The following NOSIP variants were observed in gnomAD, a reference collection of about 807,000 sequenced individuals.
NOSIP encodes nitric oxide synthase-interacting protein.
In NOSIP, 25 loss-of-function variants were observed where a neutral mutation model predicts 36.4. The observed-to-expected ratio is 0.69, with a 90% CI of 0.50 to 0.96. NOSIP has a LOEUF of 0.96. NOSIP is among the 40% of genes least tolerant of loss of function. NOSIP has a pLI of 0.00. For synonymous variants in NOSIP, 187 were observed against 179.2 expected (o/e 1.04, Z -0.35); for missense variants, 370 against 429.0 (o/e 0.86, Z 1.21).
At chr19:49,577,548 A>G (rs1341878477) in intron 1 of NOSIP, among the ~76,000 whole-genome samples, 2 of 151,264 alleles carry the variant, frequency 1.3e-5, no homozygotes, top group East Asian at 3.9e-4. Context: ...TCAAAAAAAG[A>G]AAAAAAAAGA....
Position 49,568,798 on chromosome 19 carries a change from G to GT in NOSIP, c.-1-8107dup, listed in dbSNP as rs750047416. ...CATCTCTAAAAAAAAAAAAAAAATA[G>GT]TTTGTTTGTTTGTTTTTTTTTTTGA... On this transcript the variant is annotated intron_variant, in intron 1 of 8. Coordinates refer to ENST00000596358, the MANE Select transcript of NOSIP (RefSeq NM_001270960.2). Among the ~76,000 whole-genome samples, 229 of 106,858 alleles carry GT rather than the reference G, an allele frequency of 2.1e-3. 12 individuals are homozygous for GT. The highest frequency in any genetic ancestry group is 6.3e-3 in the African/African-American group (89 of 14,196). 70.1% of individuals were successfully genotyped at this position (106,858 alleles called of 152,430 possible).
At chr19:49,557,521 TA>T (rs1194347852) in intron 4 of NOSIP, 3 of 1,284,404 alleles carry the variant, frequency 2.3e-6, no homozygotes, top group African/African-American at 1.5e-5. Flanking sequence ...TAAAACAGCC[TA>T]ACAGTGGTTA....
In NOSIP at chr19:49,570,765, G is replaced by A. The variant is rs1165758167; in HGVS notation, c.-2+9750C>T. 3.9e-5 allele frequency among the ~76,000 whole-genome samples: 6 copies of A among 151,934 alleles called. No homozygotes were observed. The East Asian group carries it at 5.8e-4, about 15-fold the overall frequency. Reference sequence around the variant, plus strand: ...CACAACTGCCACTCATGAAGGTCACGGTGACCTTTTCATGGACACATTCCC... The same window carrying A: ...CACAACTGCCACTCATGAAGGTCACAGTGACCTTTTCATGGACACATTCCC... On this transcript the variant is annotated intron_variant, in intron 1 of 8. Coordinates refer to ENST00000596358, the MANE Select transcript of NOSIP (RefSeq NM_001270960.2).
intron 1 of NOSIP, among the ~76,000 whole-genome samples, chr19:49,564,251 A>T (rs10412446): frequency 1.3e-5 from 2 of 151,678 alleles, no homozygotes; most frequent in South Asian, 4.2e-4. Context: ...TCAGGAGTTC[A>T]AGTCCAGCCT....
At chr19:49,557,516 C>T (rs1796865918) in intron 4 of NOSIP, 4 of 1,292,780 alleles carry the variant, frequency 3.1e-6, no homozygotes, top group South Asian at 4.2e-5. Flanking sequence ...ATCTGTAAAA[C>T]AGCCTAACAG....
Position 49,558,988 on chromosome 19 carries a change from CAG to C in NOSIP, c.177-12_177-11del. The C allele has an allele frequency of 6.2e-7, 1 of 1,611,372 alleles. No homozygotes were observed. The highest frequency in any genetic ancestry group is 8.5e-7 in the Non-Finnish European group (1 of 1,178,136). On this transcript the variant is annotated splice_polypyrimidine_tract_variant and intron_variant, in intron 3 of 8. Transcript: ENST00000596358. Reference sequence around the variant, plus strand: ...CAGGTAGCCATCTGGGCTGCAAAGACAGGGTGCAATGAGAAAGAAAGAAAGTG... The same window carrying C: ...CAGGTAGCCATCTGGGCTGCAAAGACGGTGCAATGAGAAAGAAAGAAAGTG...
At position 49,557,072 on chromosome 19, in the gene NOSIP, A is replaced by C. The variant is rs756603189; in HGVS notation, c.418+18T>G. 2.5e-6 allele frequency: 4 copies of C among 1,605,972 alleles called. No individual in the cohort carries two copies. Among genetic ancestry groups the C allele is most frequent in the Non-Finnish European group, 2.6e-6 (3 of 1,176,038 alleles). ...GGCGCCCCGCCCCCCAACCCACAAGAAGCCCAACCTGAGTCACCTGGGCTG... is the reference window on the plus strand; with the variant it reads ...GGCGCCCCGCCCCCCAACCCACAAGCAGCCCAACCTGAGTCACCTGGGCTG... On this transcript the variant is annotated intron_variant, in intron 5 of 8. Coordinates refer to ENST00000596358, the MANE Select transcript of NOSIP (RefSeq NM_001270960.2).
intron 1 of NOSIP, among the ~76,000 whole-genome samples, chr19:49,566,938 C>A (rs546737851): frequency 4.6e-5 from 7 of 150,836 alleles, no homozygotes; most frequent in African/African-American, 1.5e-4. Context: ...GCCTCAGCCT[C>A]CTGAGTAGCT....
In NOSIP at chr19:49,556,967, C is replaced by A. The variant is rs766561412; in HGVS notation, c.445G>T (p.Gly149Cys). The change falls in exon 6 of 9, where the codon GGT becomes TGT. Residue 149 changes from glycine to cysteine, a missense_variant. Coordinates refer to ENST00000596358, the MANE Select transcript of NOSIP (RefSeq NM_001270960.2). ...PDDVQPGPSV[G>C]PPSKDKDKVL... ...TTGTCCTTGTCCTTACTTGGAGGAC[C>A]CACACTGGGCCCAGGTTGGACATCA... 3 of 1,611,006 alleles carry A rather than the reference C, an allele frequency of 1.9e-6. No individual in the cohort carries two copies. The East Asian group carries it at 6.7e-5, about 36-fold the overall frequency.
intron 1 of NOSIP, among the ~76,000 whole-genome samples, chr19:49,573,273 T>C (rs976122139): frequency 1.3e-5 from 2 of 152,120 alleles, no homozygotes; most frequent in Admixed American, 1.3e-4. Context: ...ACAGCTAGTG[T>C]GTGTCTTGTC....
rs552416093 is a variant in NOSIP, at chr19:49,569,367, T to TG, written c.-1-8676_-1-8675insC. 5.6e-3 allele frequency among the ~76,000 whole-genome samples: 833 copies of TG among 149,434 alleles called. 10 individuals are homozygous for TG. The highest frequency in any genetic ancestry group is 0.019 in the African/African-American group (793 of 40,870). On this transcript the variant is annotated intron_variant, in intron 1 of 8. Coordinates refer to ENST00000596358, the MANE Select transcript of NOSIP (RefSeq NM_001270960.2). ...TGCCACCACACCCAGCTAATTTTTT[T>TG]TATTTTTTTTTTAGTAGAGATGGGG...
intron 8 of NOSIP, 144 bp downstream of exon 8, chr19:49,556,173 G>GGC: frequency 4.9e-6 from 2 of 409,344 alleles, no homozygotes; most frequent in Non-Finnish European, 4.3e-6. Flanking sequence ...GAGAAAGCGG[G>GGC]GGGGGGGGGC....
At chr19:49,579,533 T>G (rs915938327) in intron 1 of NOSIP, among the ~76,000 whole-genome samples, 2 of 152,242 alleles carry the variant, frequency 1.3e-5, no homozygotes, top group Non-Finnish European at 2.9e-5. Context: ...AGAAATTTAA[T>G]CAAGTTAATC....
At chr19:49,559,284 G>T in intron 3 of NOSIP, 1 of 319,798 alleles carries the variant, frequency 3.1e-6, no homozygotes, top group South Asian at 4.7e-5. Context: ...CAGCAACAAT[G>T]TGTGCCACAT....
At chr19:49,567,183 C>T (rs554803903) in intron 1 of NOSIP, among the ~76,000 whole-genome samples, 4 of 141,676 alleles carry the variant, frequency 2.8e-5, no homozygotes, top group Admixed American at 7.4e-5. Context: ...AGTGCAGTGG[C>T]GCGATCTCGG....
Position 49,556,876 on chromosome 19 carries a change from G to A in NOSIP, c.536C>T (p.Pro179Leu), listed in dbSNP as rs1599743144. Residue 179 changes from proline to leucine, a missense_variant and splice_region_variant, in exon 6 of 9, where the codon CCG becomes CTG. By Grantham distance (98) the Pro-to-Leu change is moderately conservative. This residue lies in a region of NOSIP where 315 missense variants were observed against 331.9 expected (regional missense o/e 0.95). Transcript: ENST00000596358. ...PEAKATKLEK[P>L]SRTVTCPMSG... ...TGCCGGGGCGCTGTGGGGGCTCACC[G>A]GCTTCTCCAGCTTGGTGGCCTTGGC... 2 of 1,612,200 alleles carry A rather than the reference G, an allele frequency of 1.2e-6. No homozygotes were observed. The highest frequency in any genetic ancestry group is 1.7e-6 in the Non-Finnish European group (2 of 1,178,808).
chr19:49,573,627 T>C (rs2080514135), intron 1 of NOSIP, among the ~76,000 whole-genome samples: 1 of 152,094 alleles, frequency 6.6e-6, no homozygotes. Context: ...AATACACTAA[T>C]AATTCATTAG....
In NOSIP at chr19:49,555,611, A is replaced by C. The variant is rs1568718509; in HGVS notation, c.*140T>G. On this transcript the variant is annotated 3_prime_UTR_variant, in exon 9 of 9. Transcript: ENST00000596358. The stretch of plus-strand genomic sequence containing the variant: ...TTCAATATGCTTAGCCCGCTCTTTC[A>C]AACTCCAGCGTGCGCTGTAGGAGCA... 2 of 671,610 alleles carry C rather than the reference A, an allele frequency of 3.0e-6. No individual in the cohort carries two copies. Among genetic ancestry groups the C allele is most frequent in the East Asian group, 2.8e-5 (1 of 35,248 alleles). 41.6% of individuals were successfully genotyped at this position (671,610 alleles called of 1,614,324 possible). A position where few individuals can be genotyped will look rare whatever the true frequency, so the allele number is the denominator to read the frequency against.
chr19:49,568,219 T>C (rs2080436092), intron 1 of NOSIP, among the ~76,000 whole-genome samples: 1 of 152,102 alleles, frequency 6.6e-6, no homozygotes, highest in Non-Finnish European at 1.5e-5. Context: ...ACTCCAAAAA[T>C]ATGGCAGTTG....
Sources: gnomAD v4.1 joint callset for allele counts (sites outside exome capture counted in the v4.1 genomes callset) on GRCh38, gnomAD v4.1.1 for gene constraint, gnomAD v4.1.1 regional missense constraint, MANE v1.5 for transcripts, NCBI Gene and HGNC (gene_info 2026-07-23, HGNC 2026-07-21) for gene names.